Variants in SEMA3E observed in about 807,000 individuals in gnomAD.
The protein encoded by SEMA3E is semaphorin-3E.
In SEMA3E, 49 loss-of-function variants were observed where a neutral mutation model predicts 93.6. The observed-to-expected ratio is 0.52, with a 90% CI of 0.42 to 0.66. The LOEUF (loss-of-function observed/expected upper bound fraction) is 0.66. Ranked by LOEUF, SEMA3E falls within the 30% of genes least tolerant of loss-of-function variation. The probability of loss-of-function intolerance (pLI) is 0.00; values close to 1 mark genes in which losing one functional copy is unlikely to be tolerated. For synonymous variants in SEMA3E, 363 were observed against 330.7 expected (o/e 1.10, Z -1.06); for missense variants, 906 against 964.8 (o/e 0.94, Z 0.81).
intron 1 of SEMA3E, among the ~76,000 whole-genome samples, chr7:83,591,183 C>T (rs1792750784): frequency 6.8e-6 from 1 of 147,662 alleles, no homozygotes; most frequent in Non-Finnish European, 1.5e-5. Flanking sequence ...GATAGAAATA[C>T]AATTTACAAA....
At chr7:83,513,702 G>A (rs768834966) in intron 1 of SEMA3E, among the ~76,000 whole-genome samples, 12 of 152,092 alleles carry the variant, frequency 7.9e-5, no homozygotes, top group African/African-American at 7.2e-5. Flanking sequence ...GGTAATTTCC[G>A]TATGTAATTT....
intron 1 of SEMA3E, among the ~76,000 whole-genome samples, chr7:83,627,883 C>T (rs1045623707): frequency 1.3e-5 from 2 of 151,892 alleles, no homozygotes; most frequent in Non-Finnish European, 2.9e-5. Flanking sequence ...TTATTTTGCC[C>T]GTTAGTTGAT....
chr7:83,461,249 C>T (rs1789610393), intron 4 of SEMA3E, among the ~76,000 whole-genome samples: 1 of 152,152 alleles, frequency 6.6e-6, no homozygotes, highest in African/African-American at 2.4e-5. Context: ...TTCTTTCCCT[C>T]CCGCCTGTAC....
At chr7:83,605,430 C>CTTTTTTTTTTTTTTTTTTTT (rs750584910) in intron 1 of SEMA3E, among the ~76,000 whole-genome samples, 1 of 147,128 alleles carries the variant, frequency 6.8e-6, no homozygotes. Flanking sequence ...TAAATGTCCT[C>CTTTTTTTTTTTTTTTTTTTT]TCTTTTTTTT....
At chr7:83,447,303 G>A (rs1308548813) in intron 4 of SEMA3E, among the ~76,000 whole-genome samples, 1 of 152,166 alleles carries the variant, frequency 6.6e-6, no homozygotes, top group African/African-American at 2.4e-5. Flanking sequence ...TTGGGAGGCC[G>A]AGGTGGGTGG....
chr7:83,363,339 T>C lies in SEMA3E; in HGVS notation c.*4247A>G, dbSNP rs1421057177. The C allele has an allele frequency of 1.3e-5, 2 of 152,126 alleles. No individual in the cohort carries two copies. Among genetic ancestry groups the C allele is most frequent in the Non-Finnish European group, 2.9e-5 (2 of 68,028 alleles). The allele number at this position is 152,126 out of a possible 1,614,324, so 9.4% of individuals were successfully genotyped here. A position where few individuals can be genotyped will look rare whatever the true frequency, so the allele number is the denominator to read the frequency against. On this transcript the variant is annotated 3_prime_UTR_variant, in exon 17 of 17. Coordinates refer to ENST00000643230, the MANE Select transcript of SEMA3E (RefSeq NM_012431.3). ...GCGTAGTGGCAGATCCACGTTGTAGTCAAAGAGACACACTGTTAATGGTCC... is the reference window on the plus strand; with the variant it reads ...GCGTAGTGGCAGATCCACGTTGTAGCCAAAGAGACACACTGTTAATGGTCC...
intron 2 of SEMA3E, among the ~76,000 whole-genome samples, chr7:83,475,079 A>T (rs1254784662): frequency 1.3e-5 from 2 of 151,796 alleles, no homozygotes; most frequent in African/African-American, 2.4e-5. Context: ...TATCAATATG[A>T]CTAGAATAGA....
intron 1 of SEMA3E, among the ~76,000 whole-genome samples, chr7:83,527,763 C>T (rs557877769): frequency 5.2e-5 from 5 of 96,216 alleles, no homozygotes; most frequent in South Asian, 1.1e-3. Context: ...TCAATATTTA[C>T]GTAGAATTTT....
rs1302720509 is a variant in SEMA3E, at chr7:83,429,837, C to T, written c.457-11354G>A. Among the ~76,000 whole-genome samples, 2 of 152,034 alleles carry T rather than the reference C, an allele frequency of 1.3e-5. 1 individual carries two copies. The highest frequency in any genetic ancestry group is 6.3e-3 in the Middle Eastern group (2 of 316). On this transcript the variant is annotated intron_variant, in intron 4 of 16. Coordinates refer to ENST00000643230, the MANE Select transcript of SEMA3E (RefSeq NM_012431.3). ...GGTTTTTTGCTTATTCGTTTGTTTT[C>T]CTACAACATTAACTCCTACTTATCC...
At chr7:83,558,668 AAAATAT>A (rs754954211) in intron 1 of SEMA3E, among the ~76,000 whole-genome samples, 1 of 152,076 alleles carries the variant, frequency 6.6e-6, no homozygotes, top group Non-Finnish European at 1.5e-5. Context: ...TATTTTAATA[AAAATAT>A]GGCTAAGAAG....
chr7:83,634,418 A>G (rs953570065), intron 1 of SEMA3E, among the ~76,000 whole-genome samples: 1 of 152,142 alleles, frequency 6.6e-6, no homozygotes, highest in Non-Finnish European at 1.5e-5. Flanking sequence ...TCCTTCTGCA[A>G]TCCTAAAATA....
At chr7:83,389,603 A>G (rs936705805) in intron 14 of SEMA3E, among the ~76,000 whole-genome samples, 2 of 151,616 alleles carry the variant, frequency 1.3e-5, no homozygotes, top group African/African-American at 4.8e-5. Context: ...ACACATATAT[A>G]CACGTATATA....
In SEMA3E at chr7:83,525,220, G is replaced by A. The variant is rs1387083228; in HGVS notation, c.116-34946C>T. ...TCCTGGATTTTAGAGTTGAAGCTAT[G>A]AAGAACAAAGCAATATTAATCCCTG... On this transcript the variant is annotated intron_variant, in intron 1 of 16. Coordinates refer to ENST00000643230, the MANE Select transcript of SEMA3E (RefSeq NM_012431.3). 2.6e-5 allele frequency among the ~76,000 whole-genome samples: 4 copies of A among 152,026 alleles called. No homozygotes were observed. In the East Asian group the frequency reaches 7.7e-4, roughly 29 times the overall value.
chr7:83,589,714 T>G (rs924108162), intron 1 of SEMA3E, among the ~76,000 whole-genome samples: 1 of 152,176 alleles, frequency 6.6e-6, no homozygotes, highest in Non-Finnish European at 1.5e-5. Context: ...GATATTTTTA[T>G]TTATTGAAAT....
chr7:83,590,432 T>C (rs1792735350), intron 1 of SEMA3E, among the ~76,000 whole-genome samples: 1 of 152,162 alleles, frequency 6.6e-6, no homozygotes, highest in Non-Finnish European at 1.5e-5. Context: ...AGCAAGGCAT[T>C]GCCCTGTCCT....
intron 11 of SEMA3E, among the ~76,000 whole-genome samples, chr7:83,398,545 TATTAAC>T (rs1788171876): frequency 6.6e-6 from 1 of 152,202 alleles, no homozygotes; most frequent in African/African-American, 2.4e-5. Context: ...CTGAGCATAT[TATTAAC>T]ATTAACTTCC....
intron 4 of SEMA3E, among the ~76,000 whole-genome samples, chr7:83,425,966 G>T (rs1023487430): frequency 6.6e-6 from 1 of 151,700 alleles, no homozygotes; most frequent in African/African-American, 2.4e-5. Context: ...ACAACCATAT[G>T]AAAAAAAGCT....
At chr7:83,520,412 T>C (rs552892429) in intron 1 of SEMA3E, among the ~76,000 whole-genome samples, 5 of 152,222 alleles carry the variant, frequency 3.3e-5, no homozygotes, top group South Asian at 2.1e-4. Flanking sequence ...TCTCCATTCC[T>C]TTCTCCGTAT....
chr7:83,471,465 A>C (rs1462549172), intron 2 of SEMA3E, among the ~76,000 whole-genome samples: 1 of 151,986 alleles, frequency 6.6e-6, no homozygotes, highest in African/African-American at 2.4e-5. Context: ...CCTCTCCCTA[A>C]TGATTGGCAG....
Sources: gnomAD v4.1 joint callset for allele counts (sites outside exome capture counted in the v4.1 genomes callset) on GRCh38, gnomAD v4.1.1 for gene constraint, MANE v1.5 for transcripts, NCBI Gene and HGNC (gene_info 2026-07-23, HGNC 2026-07-21) for gene names.